The following TENM1 variants were observed in gnomAD, a reference collection of about 807,000 sequenced individuals.
TENM1 encodes teneurin-1.
TENM1 carries 35 observed loss-of-function variants against 174.8 expected under a neutral mutation model. The observed-to-expected ratio is 0.20, with a 90% CI of 0.15 to 0.27. The LOEUF is 0.27. Ranked by LOEUF, TENM1 falls within the 10% of genes least tolerant of loss-of-function variation. The pLI is 1.00. For missense variants in TENM1, 1,633 were observed against 2,130.1 expected (o/e 0.77, Z 4.59); for synonymous variants, 781 against 798.7 (o/e 0.98, Z 0.37).
At chrX:124,931,288 A>C (rs1352519620) in intron 1 of TENM1, among the ~76,000 whole-genome samples, 1 of 111,098 alleles carries the variant, frequency 9.0e-6, no homozygotes, top group Non-Finnish European at 1.9e-5. Flanking sequence ...CAATCACAAC[A>C]ATAACATTTC....
intron 15 of TENM1, among the ~76,000 whole-genome samples, chrX:124,539,063 A>C: frequency 9.0e-6 from 1 of 111,359 alleles, no homozygotes; most frequent in East Asian, 2.8e-4. Context: ...CAGGCACCTC[A>C]TCCATTTATC....
intron 23 of TENM1, among the ~76,000 whole-genome samples, chrX:124,427,217 C>T (rs1322725609): frequency 8.9e-6 from 1 of 112,327 alleles, no homozygotes; most frequent in Non-Finnish European, 1.9e-5. Context: ...CTGGGGACAG[C>T]ACACACCTGG....
intron 3 of TENM1, among the ~76,000 whole-genome samples, chrX:124,740,087 C>T (rs1450156573): frequency 2.7e-5 from 3 of 111,893 alleles, no homozygotes; most frequent in African/African-American, 6.5e-5. Context: ...CAGTGACACA[C>T]TACAGATCTA....
intron 4 of TENM1, among the ~76,000 whole-genome samples, chrX:124,727,174 C>T (rs770058690): frequency 2.7e-5 from 3 of 112,400 alleles, no homozygotes; most frequent in African/African-American, 9.7e-5. Flanking sequence ...CGGCATGATT[C>T]CTCCACACAA....
the TENM1 span, among the ~76,000 whole-genome samples, chrX:125,063,795 C>A: frequency 2.7e-5 from 3 of 111,333 alleles, no homozygotes; most frequent in African/African-American, 9.8e-5. Context: ...TTTGACCCAG[C>A]CATCCCATTA....
chrX:124,589,064 G>A (rs2049647721), intron 11 of TENM1, among the ~76,000 whole-genome samples: 1 of 100,345 alleles, frequency 1.0e-5, no homozygotes, highest in African/African-American at 3.6e-5. Flanking sequence ...TTATTCTGAT[G>A]TATGTTCCTT....
At chrX:124,794,168 G>T (rs1377260600) in intron 3 of TENM1, among the ~76,000 whole-genome samples, 2 of 110,883 alleles carry the variant, frequency 1.8e-5, no homozygotes, top group Non-Finnish European at 3.8e-5. Flanking sequence ...TGAATCCAAA[G>T]GAATAAGCAT....
At chrX:124,662,455 GA>G (rs1224806453) in intron 6 of TENM1, among the ~76,000 whole-genome samples, 4,576 of 31,029 alleles carry the variant, frequency 0.15, 368 homozygotes, top group African/African-American at 0.34. Context: ...CTTCATCTCA[GA>G]AAAAAAAAAA....
the TENM1 span, among the ~76,000 whole-genome samples, chrX:125,042,134 C>T: frequency 0.19 from 21,328 of 110,457 alleles, 1,735 homozygotes; most frequent in African/African-American, 0.31. Flanking sequence ...GACTTCAGTG[C>T]TCTTAGAGAA....
chrX:124,563,540 G>C (rs769158924), intron 13 of TENM1, among the ~76,000 whole-genome samples: 1 of 109,340 alleles, frequency 9.1e-6, no homozygotes, highest in Non-Finnish European at 1.9e-5. Flanking sequence ...TCTATACTAC[G>C]GGAAAAAGTG....
chrX:125,082,698 C>T, the TENM1 span, among the ~76,000 whole-genome samples: 1 of 111,220 alleles, frequency 9.0e-6, no homozygotes, highest in Non-Finnish European at 1.9e-5. Context: ...TATCCAGGTG[C>T]ATTACATCAT....
the TENM1 span, among the ~76,000 whole-genome samples, chrX:125,172,854 T>C: frequency 1.8e-5 from 2 of 111,495 alleles, no homozygotes; most frequent in African/African-American, 6.5e-5. Flanking sequence ...ACTACACAAA[T>C]ATTGGCTATT....
chrX:124,612,931 C>T lies in TENM1; in HGVS notation c.2077+28860G>A, dbSNP rs185155372. On this transcript the variant is annotated intron_variant, in intron 11 of 31. Transcript: ENST00000422452. ...ACATATAAGTATGCTGCTGATCATC[C>T]AGCAGATTAGTGAATCAATTTACCA... 4.4e-3 allele frequency among the ~76,000 whole-genome samples: 489 copies of T among 111,558 alleles called. 4 individuals carry two copies. The highest frequency in any genetic ancestry group is 0.015 in the African/African-American group (461 of 30,725).
intron 11 of TENM1, among the ~76,000 whole-genome samples, chrX:124,595,814 C>A (rs2049877963): frequency 9.0e-6 from 1 of 111,480 alleles, no homozygotes; most frequent in Non-Finnish European, 1.9e-5. Context: ...AATGATGACC[C>A]TTTTAGAATT....
the TENM1 span, among the ~76,000 whole-genome samples, chrX:125,203,043 G>T: frequency 7.1e-5 from 8 of 112,075 alleles, no homozygotes; most frequent in African/African-American, 2.0e-4. Flanking sequence ...CAACACCGAC[G>T]GCTCCTGGAG....
At chrX:124,645,616 G>A (rs1022107776) in intron 9 of TENM1, among the ~76,000 whole-genome samples, 14 of 111,614 alleles carry the variant, frequency 1.3e-4, no homozygotes, top group Non-Finnish European at 2.3e-4. Context: ...TTTAAGCTAG[G>A]ATTTTTCTTT....
intron 3 of TENM1, among the ~76,000 whole-genome samples, chrX:124,820,025 G>A (rs772049773): frequency 9.0e-6 from 1 of 110,549 alleles, no homozygotes; most frequent in Admixed American, 9.6e-5. Context: ...GACCTCAAGT[G>A]ATCCACCTAC....
chrX:124,911,461 G>C (rs1000965686), intron 1 of TENM1, among the ~76,000 whole-genome samples: 7 of 111,647 alleles, frequency 6.3e-5, no homozygotes, highest in Non-Finnish European at 9.4e-5. Context: ...AAGGGCTGTG[G>C]AGTCTAAGCA....
chrX:125,091,576 G>A, the TENM1 span, among the ~76,000 whole-genome samples: 1 of 111,241 alleles, frequency 9.0e-6, no homozygotes, highest in Non-Finnish European at 1.9e-5. Context: ...CAAGACACCT[G>A]CCCTCAGGTA....
Sources: gnomAD v4.1 joint callset for allele counts (sites outside exome capture counted in the v4.1 genomes callset) on GRCh38, gnomAD v4.1.1 for gene constraint, MANE v1.5 for transcripts, NCBI Gene and HGNC (gene_info 2026-07-23, HGNC 2026-07-21) for gene names.